The following HP1BP3 variants were observed in gnomAD, a reference collection of about 807,000 sequenced individuals.
HP1BP3 encodes the protein heterochromatin protein 1 binding protein 3, also known as heterochromatin protein 1-binding protein 3.
HP1BP3 carries 12 observed loss-of-function variants against 62.5 expected under a neutral mutation model. That is an observed-to-expected ratio of 0.19 (90% CI 0.12 to 0.31). The LOEUF is 0.31. HP1BP3 is among the 10% of genes least tolerant of loss of function. The probability of loss-of-function intolerance (pLI) is 1.00; values close to 1 mark genes in which losing one functional copy is unlikely to be tolerated. For missense variants in HP1BP3, 502 were observed against 651.8 expected (o/e 0.77, Z 2.50); for synonymous variants, 260 against 237.8 (o/e 1.09, Z -0.86).
chr1:20,779,929 C>A lies in HP1BP3; in HGVS notation c.97-18G>T. 2 of 1,571,138 alleles carry A rather than the reference C, an allele frequency of 1.3e-6. No individual in the cohort carries two copies. The highest frequency in any genetic ancestry group is 1.7e-5 in the Admixed American group (1 of 57,910). ...TCTACCTTCTAAGAAAAGAGATGGCCATAATCAAACATGCATTAAAAAATT... is the reference window on the plus strand; with the variant it reads ...TCTACCTTCTAAGAAAAGAGATGGCAATAATCAAACATGCATTAAAAAATT... On this transcript the variant is annotated intron_variant, in intron 2 of 12. Transcript: ENST00000438032.
chr1:20,765,336 G>C lies in HP1BP3; in HGVS notation c.890+41C>G, dbSNP rs201085552. The C allele has an allele frequency of 2.1e-6, 3 of 1,416,424 alleles. No individual in the cohort carries two copies. The African/African-American group carries it at 4.4e-5, about 21-fold the overall frequency. 87.7% of individuals were successfully genotyped at this position (1,416,424 alleles called of 1,614,324 possible). ...TCCCATGAAAAGGGAGCTAAAGGAA[G>C]TAACACATCATGTTTTAAAGGCCAG... On this transcript the variant is annotated intron_variant, in intron 8 of 12. Transcript: ENST00000438032.
intron 1 of HP1BP3, among the ~76,000 whole-genome samples, 165 bp from the exon 2 acceptor site, chr1:20,780,705 T>A (rs2154541506): frequency 6.6e-6 from 1 of 152,298 alleles, no homozygotes; most frequent in African/African-American, 2.4e-5. Context: ...AAATATAGAC[T>A]ACATAAAGCA....
intron 1 of HP1BP3, among the ~76,000 whole-genome samples, chr1:20,782,949 C>G (rs1174393224): frequency 1.4e-5 from 2 of 141,892 alleles, no homozygotes; most frequent in Non-Finnish European, 3.1e-5. Flanking sequence ...CCCACACACA[C>G]AAAAGATAAA....
intron 8 of HP1BP3, among the ~76,000 whole-genome samples, chr1:20,762,033 GA>G (rs1286116523): frequency 1.3e-5 from 2 of 152,186 alleles, no homozygotes; most frequent in Non-Finnish European, 2.9e-5. Flanking sequence ...AGTGGAAGGG[GA>G]GACATTGTAG....
chr1:20,762,157 A>G (rs1257228477), intron 8 of HP1BP3, among the ~76,000 whole-genome samples: 1 of 152,232 alleles, frequency 6.6e-6, no homozygotes, highest in Non-Finnish European at 1.5e-5. Flanking sequence ...AAAGGACTCC[A>G]TTATAATCAA....
At chr1:20,750,943 G>C (rs1269829276) in intron 9 of HP1BP3, among the ~76,000 whole-genome samples, 1 of 148,106 alleles carries the variant, frequency 6.8e-6, no homozygotes, top group Non-Finnish European at 1.5e-5. Context: ...TCAACTTCCC[G>C]AGTAGCTGGG....
chr1:20,764,979 G>A (rs912263334), intron 8 of HP1BP3, among the ~76,000 whole-genome samples: 3 of 151,804 alleles, frequency 2.0e-5, no homozygotes. Context: ...GACCAGCCTG[G>A]CCAACATGAT....
chr1:20,746,186 A>ATATG (rs1286650893), intron 11 of HP1BP3, among the ~76,000 whole-genome samples: 1,954 of 143,210 alleles, frequency 0.014, 48 homozygotes, highest in East Asian at 0.13. Flanking sequence ...ACATACATAT[A>ATATG]TGTGTGTGTG....
chr1:20,751,713 ACT>A (rs1400558843), intron 9 of HP1BP3, among the ~76,000 whole-genome samples: 2 of 151,390 alleles, frequency 1.3e-5, no homozygotes, highest in African/African-American at 2.4e-5. Flanking sequence ...ACAGACCAAG[ACT>A]CTGTCTCTAA....
intron 4 of HP1BP3, chr1:20,775,651 G>A (rs2057271675): frequency 4.8e-6 from 1 of 207,046 alleles, no homozygotes; most frequent in African/African-American, 2.3e-5. Context: ...GTCCTACACA[G>A]GTATACCATT....
At chr1:20,783,440 A>C (rs1557679261) in intron 1 of HP1BP3, among the ~76,000 whole-genome samples, 1 of 151,916 alleles carries the variant, frequency 6.6e-6, no homozygotes, top group Non-Finnish European at 1.5e-5. Flanking sequence ...AATCACTTGA[A>C]CCTGGGAGGC....
At chr1:20,757,800 C>CA (rs1479088342) in intron 8 of HP1BP3, among the ~76,000 whole-genome samples, 3 of 151,644 alleles carry the variant, frequency 2.0e-5, no homozygotes, top group African/African-American at 7.3e-5. Flanking sequence ...TCTAGGGTTG[C>CA]AAAAAAATCA....
intron 9 of HP1BP3, among the ~76,000 whole-genome samples, chr1:20,751,632 G>C (rs1483974983): frequency 1.3e-5 from 2 of 151,772 alleles, no homozygotes; most frequent in Non-Finnish European, 2.9e-5. Flanking sequence ...TGAGGGGGGA[G>C]GATGGCTTAA....
At chr1:20,755,344 G>A (rs1570580517) in intron 9 of HP1BP3, 2 of 453,680 alleles carry the variant, frequency 4.4e-6, no homozygotes, top group East Asian at 7.0e-5. Context: ...GAGGCAGGCA[G>A]ACTACTTCAC....
At chr1:20,779,240 A>C (rs2057436781) in intron 3 of HP1BP3, among the ~76,000 whole-genome samples, 1 of 152,218 alleles carries the variant, frequency 6.6e-6, no homozygotes. Flanking sequence ...CAAAAAGATC[A>C]TGAGAAGAAA....
chr1:20,746,495 A>G lies in HP1BP3; in HGVS notation c.1254-839T>C, dbSNP rs548259187. 1.6e-4 allele frequency among the ~76,000 whole-genome samples: 24 copies of G among 152,326 alleles called. 1 individual carries two copies. The South Asian group carries it at 2.5e-3, about 16-fold the overall frequency. The stretch of plus-strand genomic sequence containing the variant: ...TAATAATATAAGAAAGTTACACAAT[A>G]GTCTTGCTAAAACAGGGTCTTAGTG... On this transcript the variant is annotated intron_variant, in intron 11 of 12. Transcript: ENST00000438032.
At chr1:20,746,786 C>T (rs554241592) in intron 11 of HP1BP3, among the ~76,000 whole-genome samples, 1 of 152,208 alleles carries the variant, frequency 6.6e-6, no homozygotes, top group East Asian at 1.9e-4. Flanking sequence ...GAGGCTGAGG[C>T]GAGAGGACTG....
At chr1:20,776,029 T>G in intron 4 of HP1BP3, 1 of 1,160,216 alleles carries the variant, frequency 8.6e-7, no homozygotes, top group Non-Finnish European at 1.2e-6. Context: ...AAAAAAAAAA[T>G]TAAAAATTAA....
At chr1:20,749,216 T>C (rs2055545940) in intron 10 of HP1BP3, among the ~76,000 whole-genome samples, 1 of 152,196 alleles carries the variant, frequency 6.6e-6, no homozygotes, top group African/African-American at 2.4e-5. Flanking sequence ...AAGCAGATGC[T>C]TTAAATTAAG....
Sources: gnomAD v4.1 joint callset for allele counts (sites outside exome capture counted in the v4.1 genomes callset) on GRCh38, gnomAD v4.1.1 for gene constraint, MANE v1.5 for transcripts, NCBI Gene and HGNC (gene_info 2026-07-23, HGNC 2026-07-21) for gene names.